ICAM2: variants seen among roughly 807,000 people sequenced by gnomAD.
ICAM2 encodes the protein intercellular adhesion molecule 2, also known as ICAM-2.
Under a neutral mutation model 19.1 loss-of-function variants are expected in ICAM2, and 14 were observed. That is an observed-to-expected ratio of 0.73 (90% confidence interval 0.48 to 1.15). The LOEUF is 1.15. ICAM2 is among the 50% of genes most tolerant of loss of function. The pLI, the probability that ICAM2 is intolerant of heterozygous loss-of-function variation, is 0.00. For synonymous variants in ICAM2, 153 were observed against 152.7 expected (o/e 1.00, Z -0.01); for missense variants, 311 against 355.4 (o/e 0.88, Z 1.00).
chr17:64,006,989 G>A (rs186731961), intron 1 of ICAM2: 8 of 436,986 alleles, frequency 1.8e-5, no homozygotes, highest in East Asian at 1.2e-4. Context: ...GCACGCATGC[G>A]TGTATGAGAC....
Position 64,006,720 on chromosome 17 carries a change from A to T in ICAM2, c.-29T>A. 1 of 1,611,858 alleles carries T rather than the reference A, an allele frequency of 6.2e-7. No individual in the cohort carries two copies. The highest frequency in any genetic ancestry group is 8.5e-7 in the Non-Finnish European group (1 of 1,178,094). On this transcript the variant is annotated 5_prime_UTR_variant, in exon 2 of 5. Transcript: ENST00000579788. ...TGGCAGTCTCCACGGGCTCGCAGGG[A>T]CCAGCCAAGGGCTGCCTGGAGGGAG... is the stretch of plus-strand genomic sequence containing the variant.
At position 64,006,667 on chromosome 17, in the gene ICAM2, G is replaced by A. The variant is rs1465425018; in HGVS notation, c.25C>T (p.Leu9=). The A allele has an allele frequency of 6.2e-7, 1 of 1,614,202 alleles. No homozygotes were observed. The highest frequency in any genetic ancestry group is 1.1e-5 in the South Asian group (1 of 91,088). ...ATCAGGGTGAAGAGGGCCACAGTCA[G>A]GGTCCTGTAACCGAAAGAGGACATC... MSSFGYRT[L]TVALFTLICC... The change falls in exon 2 of 5, where the codon CTG becomes TTG. Residue 9 remains leucine (L), a synonymous_variant. Transcript: ENST00000579788.
chr17:64,016,626 C>T (rs1351793644), intron 1 of ICAM2, among the ~76,000 whole-genome samples: 5 of 152,234 alleles, frequency 3.3e-5, no homozygotes, highest in Non-Finnish European at 7.3e-5. Flanking sequence ...TTCTGAGAGA[C>T]ATCCTGTAGT....
intron 1 of ICAM2, among the ~76,000 whole-genome samples, chr17:64,017,037 C>T (rs1911743151): frequency 6.6e-6 from 1 of 152,094 alleles, no homozygotes; most frequent in Admixed American, 6.6e-5. Context: ...ATGAGTAAAT[C>T]TTAGGAGAAT....
At chr17:64,003,620 C>G in intron 4 of ICAM2, 24 bp downstream of exon 4, 1 of 1,597,904 alleles carries the variant, frequency 6.3e-7, no homozygotes, top group Non-Finnish European at 8.5e-7. Flanking sequence ...TCACTCCCAA[C>G]TCCATCCACG....
chr17:64,015,927 T>A (rs1206482264), intron 1 of ICAM2, among the ~76,000 whole-genome samples: 1 of 152,142 alleles, frequency 6.6e-6, no homozygotes, highest in Non-Finnish European at 1.5e-5. Flanking sequence ...CTCAAACTCT[T>A]GGGCTCAAGA....
intron 1 of ICAM2, among the ~76,000 whole-genome samples, chr17:64,015,591 C>A (rs1308735345): frequency 6.6e-6 from 1 of 151,866 alleles, no homozygotes; most frequent in Non-Finnish European, 1.5e-5. Flanking sequence ...AATACAAAAA[C>A]TAGCCAGGCG....
chr17:64,006,339 CAAAA>C (rs911487313), intron 2 of ICAM2: 1 of 327,792 alleles, frequency 3.1e-6, no homozygotes, highest in East Asian at 5.8e-5. Context: ...GCCATCTCTA[CAAAA>C]AATACAAAAA....
In ICAM2 at chr17:64,005,314, T is replaced by C. The variant is rs752845258; in HGVS notation, c.121A>G (p.Lys41Glu). The change falls in exon 3 of 5, where the codon AAA (lysine) becomes GAA (glutamate). Residue 41 changes from lysine (K) to glutamate (E), a missense_variant. By Grantham distance (56) the Lys-to-Glu change is moderately conservative. Transcript: ENST00000579788. ...CTGCAGTTGACCTCGAGGGACCCTT[T>C]GGGCTCAACCGCCAGCTTCTTTGGC... is the stretch of plus-strand genomic sequence containing the variant. ...VRPKKLAVEPKGSLEVNCSTT... is the reference protein window; with the variant it reads ...VRPKKLAVEPEGSLEVNCSTT... 2.5e-6 allele frequency: 4 copies of C among 1,614,020 alleles called. No homozygotes were observed. The highest frequency in any genetic ancestry group is 1.7e-5 in the Admixed American group (1 of 59,990).
At position 64,006,771 on chromosome 17, in the gene ICAM2, G is replaced by T. The variant is rs143869313; in HGVS notation, c.-44-36C>A. The T allele has an allele frequency of 2.2e-3, 2,807 of 1,288,384 alleles. 2 individuals are homozygous for T. Among genetic ancestry groups the T allele is most frequent in the Non-Finnish European group, 2.5e-3 (2,273 of 895,162 alleles). 79.8% of individuals were successfully genotyped at this position (1,288,384 alleles called of 1,614,324 possible). On this transcript the variant is annotated intron_variant, in intron 1 of 4. Transcript: ENST00000579788. ...ATGGTGGGCGCAGGTCTGAGCTATG[G>T]CCCAGAATCCCTAGCCTTCTGCAAA...
intron 1 of ICAM2, among the ~76,000 whole-genome samples, chr17:64,019,036 G>A (rs1476858426): frequency 3.9e-5 from 6 of 151,962 alleles, no homozygotes; most frequent in Admixed American, 2.0e-4. Flanking sequence ...CTCACTATCT[G>A]TGTGACCTTG....
In ICAM2 at chr17:64,002,927, TGGGGAGG is replaced by T; in HGVS notation, c.650-9_650-3del. ...CCATCTGGCTGTCCGACACAGGCTC[TGGGGAGG>T]GAGGGGGCAAGGGTCTTAGACGTCC... is the stretch of plus-strand genomic sequence containing the variant. On this transcript the variant is annotated splice_polypyrimidine_tract_variant and splice_region_variant and intron_variant, in intron 4 of 4. Coordinates refer to ENST00000579788, the MANE Select transcript of ICAM2 (RefSeq NM_001099789.2). 1 of 1,612,408 alleles carries T rather than the reference TGGGGAGG, an allele frequency of 6.2e-7. No individual in the cohort carries two copies. Among genetic ancestry groups the T allele is most frequent in the Non-Finnish European group, 8.5e-7 (1 of 1,179,128 alleles).
intron 1 of ICAM2, among the ~76,000 whole-genome samples, chr17:64,015,692 A>G (rs1289258848): frequency 1.3e-5 from 2 of 152,160 alleles, no homozygotes; most frequent in Non-Finnish European, 2.9e-5. Flanking sequence ...GTAAACCGAG[A>G]TTACGCCACT....
chr17:64,005,679 C>CCA (rs1763108210), intron 2 of ICAM2, among the ~76,000 whole-genome samples: 1 of 152,170 alleles, frequency 6.6e-6, no homozygotes, highest in African/African-American at 2.4e-5. Context: ...AGGCTGTGCT[C>CCA]CAACTCCATG....
In ICAM2 at chr17:64,013,919, G is replaced by GA. The variant is rs201697725; in HGVS notation, c.-45+6603dup. 2.5e-3 allele frequency among the ~76,000 whole-genome samples: 369 copies of GA among 150,378 alleles called. 2 individuals are homozygous for GA. The highest frequency in any genetic ancestry group is 8.5e-3 in the African/African-American group (349 of 41,064). On this transcript the variant is annotated intron_variant, in intron 1 of 4. Transcript: ENST00000579788. ...TTACTTATGAGTAATGATGCGGACA[G>GA]AAAAAAAAATCAGTGGTGTAAATGC...
chr17:64,014,383 G>A (rs1234427568), intron 1 of ICAM2, among the ~76,000 whole-genome samples: 4 of 54,844 alleles, frequency 7.3e-5, no homozygotes, highest in South Asian at 1.6e-3. Flanking sequence ...AAGAAAGGAA[G>A]GAAGGAAGGA....
chr17:64,019,018 C>A (rs1424483523), intron 1 of ICAM2, among the ~76,000 whole-genome samples: 1 of 152,088 alleles, frequency 6.6e-6, no homozygotes, highest in Non-Finnish European at 1.5e-5. Flanking sequence ...CTGCTCCCGG[C>A]CTTACTTCTC....
chr17:64,006,668 G>A lies in ICAM2; in HGVS notation c.24C>T (p.Thr8=), dbSNP rs575639255. The A allele has an allele frequency of 1.8e-5, 29 of 1,614,046 alleles. No individual in the cohort carries two copies. The highest frequency in any genetic ancestry group is 2.4e-5 in the Non-Finnish European group (28 of 1,180,040). The change falls in exon 2 of 5, where the codon ACC becomes ACT. Residue 8 remains threonine (T), a synonymous_variant. Coordinates refer to ENST00000579788, the MANE Select transcript of ICAM2 (RefSeq NM_001099789.2). MSSFGYR[T]LTVALFTLIC... is the part of the protein sequence containing the mutation. The stretch of plus-strand genomic sequence containing the variant: ...TCAGGGTGAAGAGGGCCACAGTCAG[G>A]GTCCTGTAACCGAAAGAGGACATCT...
intron 1 of ICAM2, among the ~76,000 whole-genome samples, chr17:64,020,162 TGCATCA>T (rs1334542135): frequency 3.4e-4 from 52 of 152,036 alleles, no homozygotes; most frequent in African/African-American, 1.3e-3. Context: ...CCTTCCCCTC[TGCATCA>T]GCTCAGATGG....
Sources: allele counts gnomAD v4.1 joint callset (sites outside exome capture counted in the v4.1 genomes callset), GRCh38; gene constraint gnomAD v4.1.1; transcripts MANE v1.5; gene names NCBI Gene and HGNC (gene_info 2026-07-23, HGNC 2026-07-21).